The following TSC2 variants were observed in gnomAD, a reference collection of about 807,000 sequenced individuals.
TSC2 encodes the protein tuberin.
A neutral mutation model predicts 202.2 loss-of-function variants in TSC2; 29 were observed. That is an observed-to-expected ratio of 0.14 (90% CI 0.11 to 0.20). The LOEUF is 0.20. Among genes scored for constraint, TSC2 ranks in the 10% least tolerant of loss-of-function variants. The pLI, the probability that TSC2 is intolerant of heterozygous loss-of-function variation, is 1.00. For missense variants in TSC2, 2,429 were observed against 2,420.0 expected, an observed-to-expected ratio of 1.00 and a Z score of -0.08; for synonymous variants, 1,349 against 1,044.0, an observed-to-expected ratio of 1.29 and a Z score of -5.63.
At position 2,081,553 on chromosome 16, in the gene TSC2, G is replaced by A. The variant is rs778548396; in HGVS notation, c.3611-42G>A. The A allele has an allele frequency of 3.7e-6, 6 of 1,611,966 alleles. No homozygotes were observed. In the South Asian group the frequency reaches 6.6e-5, roughly 18 times the overall value. ...CCTGGGGGGCCAGAGATGGGTAAGG[G>A]GAGGTACTGGCCTCAGGCCAAAGGT... On this transcript the variant is annotated intron_variant, in intron 30 of 41. Coordinates refer to ENST00000219476, the MANE Select transcript of TSC2 (RefSeq NM_000548.5).
intron 10 of TSC2, among the ~76,000 whole-genome samples, chr16:2,059,347 T>TC (rs1184692828): frequency 2.0e-5 from 3 of 148,598 alleles, no homozygotes; most frequent in African/African-American, 7.4e-5. Context: ...TCTTTTTTTT[T>TC]TTTTTTTTTT....
chr16:2,086,452 C>T (rs1023379907), intron 37 of TSC2, 73 bp downstream of exon 37: 2 of 1,565,044 alleles, frequency 1.3e-6, no homozygotes, highest in African/African-American at 2.7e-5. Context: ...CCTGCTACCC[C>T]ACGCCCTGGG....
chr16:2,064,118 G>C (rs1030501446), intron 14 of TSC2, 154 bp from the exon 15 acceptor site: 2 of 1,246,646 alleles, frequency 1.6e-6, no homozygotes, highest in South Asian at 1.2e-5. Context: ...TCTCTGAGTC[G>C]CGCTCAGCGG....
At chr16:2,064,516 A>T in intron 15 of TSC2, 89 bp downstream of exon 15, 2 of 1,593,918 alleles carry the variant, frequency 1.3e-6, no homozygotes. Flanking sequence ...CTCCTCTTCG[A>T]GTGACCGGAT....
At chr16:2,049,998 C>G (rs1212644187) in intron 2 of TSC2, among the ~76,000 whole-genome samples, 1 of 150,566 alleles carries the variant, frequency 6.6e-6, no homozygotes, top group Non-Finnish European at 1.5e-5. Flanking sequence ...TCTTGTCACC[C>G]AGGCTGGAGC....
chr16:2,059,743 TCCC>T (rs1278646164), intron 10 of TSC2, among the ~76,000 whole-genome samples: 2 of 152,088 alleles, frequency 1.3e-5, no homozygotes, highest in Non-Finnish European at 2.9e-5. Context: ...GGTCTCAAAC[TCCC>T]GACCTCAGGT....
At chr16:2,058,673 C>G (rs1489443222) in intron 9 of TSC2, 74 bp from the exon 10 acceptor site, 8 of 1,543,502 alleles carry the variant, frequency 5.2e-6, no homozygotes, top group Non-Finnish European at 7.0e-6. Context: ...GGAGCCTCGG[C>G]AACCTCACAC....
intron 36 of TSC2, 84 bp downstream of exon 36, chr16:2,085,406 C>A: frequency 7.0e-7 from 1 of 1,425,728 alleles, no homozygotes; most frequent in Non-Finnish European, 9.8e-7. Flanking sequence ...GGGCCCCCAA[C>A]GCCCCACAGA....
At chr16:2,048,519 A>C in intron 1 of TSC2, 68 bp from the exon 2 acceptor site, 1 of 1,595,334 alleles carries the variant, frequency 6.3e-7, no homozygotes, top group Non-Finnish European at 8.6e-7. Context: ...TGACGGCTGG[A>C]GGTCCGCAGT....
intron 32 of TSC2, 35 bp from the exon 33 acceptor site, chr16:2,083,660 C>T (rs1470533578): frequency 1.3e-6 from 2 of 1,561,366 alleles, no homozygotes; most frequent in East Asian, 2.4e-5. Context: ...CCTGGCCCAG[C>T]CCCACATCCA....
intron 30 of TSC2, chr16:2,081,368 G>GC (rs2090122883): frequency 6.6e-6 from 4 of 604,726 alleles, no homozygotes; most frequent in Non-Finnish European, 1.2e-5. Context: ...TGGGCTGGAG[G>GC]CCGCTGCTCT....
chr16:2,053,511 C>A (rs558651506), intron 4 of TSC2, 59 bp downstream of exon 4: 2 of 1,486,652 alleles, frequency 1.3e-6, no homozygotes, highest in African/African-American at 1.4e-5. Flanking sequence ...ACTGTCCTGT[C>A]CCTGCTGGGC....
In TSC2 at chr16:2,061,897, C is replaced by T. The variant is rs887128869; in HGVS notation, c.1146C>T (p.Thr382=). Residue 382 remains threonine (T), a synonymous_variant, in exon 12 of 42, where the codon ACC becomes ACT. Coordinates refer to ENST00000219476, the MANE Select transcript of TSC2 (RefSeq NM_000548.5). ...CCTTGGACAGCCCGGAGCTCAGGAC[C>T]ATCGTCCATGACCTGTTGACCACGG... ...LQTLDSPELR[T]IVHDLLTTVE... The T allele has an allele frequency of 1.2e-6, 2 of 1,614,200 alleles. No homozygotes were observed. Among genetic ancestry groups the T allele is most frequent in the South Asian group, 1.1e-5 (1 of 91,086 alleles).
intron 22 of TSC2, 101 bp downstream of exon 22, chr16:2,074,490 G>C: frequency 6.9e-7 from 1 of 1,447,242 alleles, no homozygotes; most frequent in South Asian, 1.2e-5. Flanking sequence ...TGGGGAACCT[G>C]GGTGTCTCGC....
intron 38 of TSC2, chr16:2,087,130 T>A (rs1596446683): frequency 3.6e-6 from 2 of 559,942 alleles, no homozygotes; most frequent in Admixed American, 6.1e-5. Context: ...GTGGGCACAG[T>A]GTAGTTGGTG....
rs547597044 is a variant in TSC2, at chr16:2,088,459, C to G, written c.5273C>G (p.Ala1758Gly). 1.2e-6 allele frequency: 2 copies of G among 1,612,850 alleles called. No homozygotes were observed. Among genetic ancestry groups the G allele is most frequent in the African/African-American group, 2.7e-5 (2 of 75,048 alleles). ...CTCTGCCTTCAGATCTGCGAGGAAGCCGCCTACTCCAACCCCAGCCTACCT... is the reference window on the plus strand; with the variant it reads ...CTCTGCCTTCAGATCTGCGAGGAAGGCGCCTACTCCAACCCCAGCCTACCT... ...KRLRQRICEEAAYSNPSLPLV... is the reference protein window; with the variant it reads ...KRLRQRICEEGAYSNPSLPLV... Residue 1758 changes from alanine (A) to glycine (G), a missense_variant, in exon 42 of 42, where the codon GCC (alanine) becomes GGC (glycine). Ala to Gly is a moderately conservative substitution (Grantham distance 60). Coordinates refer to ENST00000219476, the MANE Select transcript of TSC2 (RefSeq NM_000548.5).
In TSC2 at chr16:2,084,474, TCA is replaced by T. The variant is rs2151529577; in HGVS notation, c.4255_4256del (p.Gln1419ValfsTer104). On this transcript the variant is annotated frameshift_variant, in exon 34 of 42. Transcript: ENST00000219476. LOFTEE classifies it high-confidence loss of function. Reference protein sequence around the residue: ...GRLSPEVKARSQSGTLDGESA... With the variant: ...GRLSPEVKARXQSGTLDGESA... ...GCTGAGCCCTGAGGTTAAGGCCCGG[TCA>T]CAGTCAGGGACCCTGGACGGGGAAA... The T allele has an allele frequency of 6.2e-7, 1 of 1,609,376 alleles. No homozygotes were observed. Among genetic ancestry groups the T allele is most frequent in the Non-Finnish European group, 8.5e-7 (1 of 1,178,660 alleles).
At chr16:2,056,893 G>A (rs912243414) in intron 8 of TSC2, 124 bp downstream of exon 8, 32 of 1,513,116 alleles carry the variant, frequency 2.1e-5, no homozygotes, top group Non-Finnish European at 2.9e-5. Flanking sequence ...GTTGAGGGAC[G>A]GCCAGTGTCA....
In TSC2 at chr16:2,084,525, G is replaced by A. The variant is rs1441136255; in HGVS notation, c.4303G>A (p.Glu1435Lys). ...GESAAWSASG[E>K]DSRGQPEGPL... ...AAGTGCTGCCTGGTCGGCCTCGGGC[G>A]AAGACAGTCGGGGCCAGCCCGAGGG... Residue 1435 changes from glutamate (E) to lysine (K), a missense_variant, in exon 34 of 42, where the codon GAA (glutamate) becomes AAA (lysine). By Grantham distance (56) the Glu-to-Lys change is moderately conservative. Transcript: ENST00000219476. The A allele has an allele frequency of 7.5e-6, 12 of 1,609,414 alleles. No homozygotes were observed. Among genetic ancestry groups the A allele is most frequent in the African/African-American group, 2.7e-5 (2 of 74,910 alleles).
Sources: allele counts gnomAD v4.1 joint callset (sites outside exome capture counted in the v4.1 genomes callset), GRCh38; gene constraint gnomAD v4.1.1; transcripts MANE v1.5; gene names NCBI Gene and HGNC (gene_info 2026-07-23, HGNC 2026-07-21).